The following NHERF1 variants were observed in gnomAD, a reference collection of about 807,000 sequenced individuals.
NHERF1 encodes Na(+)/H(+) exchange regulatory cofactor NHE-RF1.
At chr17:74,749,403 G>A in the NHERF1 span, 5 of 1,033,458 alleles carry the variant, frequency 4.8e-6, no homozygotes, top group Non-Finnish European at 6.8e-6. This position sits in a 1 kb window ranked among gnomAD's most constrained non-coding sequence, Gnocchi z 5.6. Context: ...AACTCGAGCT[G>A]CGAGGGGGAG....
At chr17:74,766,814 A>C in the NHERF1 span, 1 of 973,142 alleles carries the variant, frequency 1.0e-6, no homozygotes, top group Non-Finnish European at 1.7e-6. Context: ...GTAGTCAAAA[A>C]AGTTTGAGAT....
chr17:74,758,885 C>A, the NHERF1 span, among the ~76,000 whole-genome samples: 1 of 152,198 alleles, frequency 6.6e-6, no homozygotes, highest in Non-Finnish European at 1.5e-5. This position sits in a 1 kb window ranked among gnomAD's most constrained non-coding sequence, Gnocchi z 4.3. Flanking sequence ...CCAGGCCCCA[C>A]AGATCCCCAG....
chr17:74,761,321 G>A, the NHERF1 span, among the ~76,000 whole-genome samples: 1 of 152,188 alleles, frequency 6.6e-6, no homozygotes, highest in Non-Finnish European at 1.5e-5. This position sits in a 1 kb window ranked among gnomAD's most constrained non-coding sequence, Gnocchi z 4.3. Context: ...AGCGGTGTCG[G>A]GGGAGGAGGT....
At chr17:74,763,289 T>A in the NHERF1 span, 2 of 1,420,262 alleles carry the variant, frequency 1.4e-6, no homozygotes, top group Non-Finnish European at 1.9e-6. Context: ...TGGTCACCCC[T>A]GCCCCCAACC....
At chr17:74,767,261 A>G in the NHERF1 span, among the ~76,000 whole-genome samples, 1 of 152,142 alleles carries the variant, frequency 6.6e-6, no homozygotes, top group Non-Finnish European at 1.5e-5. Context: ...AGAAGGGGCC[A>G]TTCTTCCCCC....
the NHERF1 span, chr17:74,763,488 G>A: frequency 1.1e-5 from 17 of 1,607,834 alleles, no homozygotes; most frequent in Admixed American, 3.4e-5. Flanking sequence ...TTCAAGAAAT[G>A]CAGAGTGATC....
the NHERF1 span, among the ~76,000 whole-genome samples, chr17:74,752,684 G>A: frequency 6.6e-6 from 1 of 152,180 alleles, no homozygotes; most frequent in Admixed American, 6.5e-5. Context: ...TGTAGAGATG[G>A]AGTTTCACCG....
chr17:74,768,095 G>A, the NHERF1 span: 1 of 1,255,586 alleles, frequency 8.0e-7, no homozygotes, highest in Non-Finnish European at 1.2e-6. Context: ...TCCCTCCTCA[G>A]GACCCCCTCA....
the NHERF1 span, among the ~76,000 whole-genome samples, chr17:74,761,206 A>G: frequency 6.6e-6 from 1 of 152,124 alleles, no homozygotes; most frequent in Non-Finnish European, 1.5e-5. The surrounding 1 kb of genome is among the most constrained non-coding windows in gnomAD (Gnocchi z 4.3). Context: ...CCACAGCCAC[A>G]CTGGGCTCCC....
the NHERF1 span, chr17:74,748,842 G>A: frequency 1.3e-6 from 2 of 1,589,448 alleles, no homozygotes; most frequent in Non-Finnish European, 1.7e-6. This position sits in a 1 kb window ranked among gnomAD's most constrained non-coding sequence, Gnocchi z 4.3. Context: ...CCGTCGCAGG[G>A]CGAGATGAGC....
chr17:74,758,334 G>T, the NHERF1 span, among the ~76,000 whole-genome samples: 1 of 152,192 alleles, frequency 6.6e-6, no homozygotes. The surrounding 1 kb of genome is among the most constrained non-coding windows in gnomAD (Gnocchi z 4.3). Context: ...CCTGAGGGTG[G>T]AGGAGGCCCC....
At chr17:74,754,896 T>A in the NHERF1 span, among the ~76,000 whole-genome samples, 210 of 152,380 alleles carry the variant, frequency 1.4e-3, no homozygotes, top group African/African-American at 4.8e-3. Context: ...TGCTAAGTAC[T>A]AACCTTGCCT....
the NHERF1 span, among the ~76,000 whole-genome samples, chr17:74,750,314 G>T: frequency 6.6e-6 from 1 of 152,214 alleles, no homozygotes; most frequent in Non-Finnish European, 1.5e-5. Flanking sequence ...GTGGTGCATT[G>T]TGTAGGGCAG....
At chr17:74,751,312 A>ACC in the NHERF1 span, among the ~76,000 whole-genome samples, 1 of 152,214 alleles carries the variant, frequency 6.6e-6, no homozygotes, top group African/African-American at 2.4e-5. This position sits in a 1 kb window ranked among gnomAD's most constrained non-coding sequence, Gnocchi z 4.3. Context: ...AAAAAATGTT[A>ACC]ACAGACATTG....
At chr17:74,749,949 G>A in the NHERF1 span, among the ~76,000 whole-genome samples, 2 of 152,236 alleles carry the variant, frequency 1.3e-5, no homozygotes, top group African/African-American at 4.8e-5. The surrounding 1 kb of genome is among the most constrained non-coding windows in gnomAD (Gnocchi z 5.6). Flanking sequence ...AGGCATCTCG[G>A]AGTGGTGGTT....
At chr17:74,767,038 A>G in the NHERF1 span, 5 of 1,513,558 alleles carry the variant, frequency 3.3e-6, no homozygotes, top group Non-Finnish European at 4.6e-6. Context: ...ACAGATCAGA[A>G]GGTGCTGTGG....
the NHERF1 span, chr17:74,768,071 C>A: frequency 9.8e-7 from 1 of 1,020,436 alleles, no homozygotes; most frequent in Non-Finnish European, 1.6e-6. Context: ...GCCCCTACTT[C>A]CCCAGGAGCT....
chr17:74,758,299 G>C, the NHERF1 span, among the ~76,000 whole-genome samples: 1 of 152,244 alleles, frequency 6.6e-6, no homozygotes, highest in African/African-American at 2.4e-5. The surrounding 1 kb of genome is among the most constrained non-coding windows in gnomAD (Gnocchi z 4.3). Flanking sequence ...GCTCCCTGGG[G>C]GAAAGGACAG....
chr17:74,753,921 C>T, the NHERF1 span, among the ~76,000 whole-genome samples: 6 of 152,058 alleles, frequency 3.9e-5, no homozygotes, highest in Non-Finnish European at 8.8e-5. Flanking sequence ...GAGGCCGAGG[C>T]GGGTGGATCA....
Sources: gnomAD v4.1 joint callset for allele counts (sites outside exome capture counted in the v4.1 genomes callset) on GRCh38, gnomAD v4.1.1 for gene constraint, Gnocchi (gnomAD v3.1) non-coding constraint, MANE v1.5 for transcripts, NCBI Gene and HGNC (gene_info 2026-07-23, HGNC 2026-07-21) for gene names.